Variants in TBC1D22A observed in about 807,000 individuals in gnomAD.
TBC1D22A encodes the protein putative GTPase activator.
Under a neutral mutation model 60.2 loss-of-function variants are expected in TBC1D22A, and 38 were observed. The ratio of observed to expected loss-of-function variants is 0.63; its 90% CI spans 0.49 to 0.83. The LOEUF (loss-of-function observed/expected upper bound fraction) is 0.83. TBC1D22A is among the 40% of genes least tolerant of loss of function. The probability of loss-of-function intolerance (pLI) is 0.00; values close to 1 mark genes in which losing one functional copy is unlikely to be tolerated. For synonymous variants in TBC1D22A, 302 were observed against 281.7 expected (o/e 1.07, Z -0.72); for missense variants, 628 against 701.0 (o/e 0.90, Z 1.18).
chr22:46,765,388 C>G (rs2083246849), intron 1 of TBC1D22A, among the ~76,000 whole-genome samples: 1 of 152,216 alleles, frequency 6.6e-6, no homozygotes, highest in South Asian at 2.1e-4. Flanking sequence ...TAGTGGAGAT[C>G]CTAGCCAGGT....
intron 12 of TBC1D22A, among the ~76,000 whole-genome samples, chr22:47,115,306 A>G (rs1290180042): frequency 6.6e-6 from 1 of 152,166 alleles, no homozygotes; most frequent in Admixed American, 6.5e-5. Context: ...GGCTATATGT[A>G]TGTGGCTCCA....
intron 8 of TBC1D22A, among the ~76,000 whole-genome samples, chr22:46,956,215 CTTTA>C (rs919309642): frequency 1.3e-5 from 2 of 152,072 alleles, no homozygotes; most frequent in African/African-American, 4.8e-5. Flanking sequence ...GAGATAGGGT[CTTTA>C]AAGAGGTAAT....
intron 12 of TBC1D22A, among the ~76,000 whole-genome samples, chr22:47,150,453 G>A (rs2067458518): frequency 6.6e-6 from 1 of 152,210 alleles, no homozygotes; most frequent in South Asian, 2.1e-4. Context: ...TGCTCCAGGA[G>A]TGTCCCAGTT....
intron 11 of TBC1D22A, among the ~76,000 whole-genome samples, chr22:47,046,164 A>G (rs131905): frequency 2.0e-5 from 3 of 151,944 alleles, no homozygotes; most frequent in Non-Finnish European, 4.4e-5. Context: ...GCCTTGCCCC[A>G]CAAGGAGGGT....
intron 4 of TBC1D22A, among the ~76,000 whole-genome samples, chr22:46,860,492 A>G (rs1215488814): frequency 5.0e-4 from 46 of 91,768 alleles, no homozygotes; most frequent in Middle Eastern, 7.1e-3. Context: ...CCTTCCCGGG[A>G]CCAGAATCCT....
At chr22:46,930,050 T>C (rs1377059131) in intron 8 of TBC1D22A, among the ~76,000 whole-genome samples, 4 of 152,162 alleles carry the variant, frequency 2.6e-5, no homozygotes, top group Admixed American at 2.6e-4. Flanking sequence ...TAGCATTCCT[T>C]GTAAACAATG....
intron 4 of TBC1D22A, among the ~76,000 whole-genome samples, chr22:46,874,725 C>T (rs1316000081): frequency 6.6e-6 from 1 of 151,890 alleles, no homozygotes; most frequent in African/African-American, 2.4e-5. Context: ...AGGTGCATGC[C>T]ACCACGCCTG....
chr22:47,016,345 C>T (rs1333565561), intron 10 of TBC1D22A, among the ~76,000 whole-genome samples: 1 of 152,128 alleles, frequency 6.6e-6, no homozygotes, highest in East Asian at 1.9e-4. Context: ...GTCTTCATCC[C>T]CCACCTCCCC....
chr22:47,021,722 A>T (rs2062097526), intron 10 of TBC1D22A, among the ~76,000 whole-genome samples: 1 of 152,238 alleles, frequency 6.6e-6, no homozygotes, highest in Non-Finnish European at 1.5e-5. Flanking sequence ...ATGTTGTTTT[A>T]AGCTGCTAAG....
chr22:47,090,126 T>C (rs1394885655), intron 11 of TBC1D22A, among the ~76,000 whole-genome samples: 1 of 152,106 alleles, frequency 6.6e-6, no homozygotes, highest in Non-Finnish European at 1.5e-5. Flanking sequence ...TCTAGAAGCT[T>C]ATACCCCAGC....
chr22:47,117,800 G>T (rs2066124687), intron 12 of TBC1D22A, among the ~76,000 whole-genome samples: 1 of 152,174 alleles, frequency 6.6e-6, no homozygotes, highest in African/African-American at 2.4e-5. Flanking sequence ...ACCATAGGAG[G>T]AAAGTTTAAG....
intron 10 of TBC1D22A, among the ~76,000 whole-genome samples, chr22:46,998,905 T>A (rs1438585767): frequency 6.6e-6 from 1 of 152,280 alleles, no homozygotes; most frequent in Admixed American, 6.5e-5. Flanking sequence ...CCGCGCGGTC[T>A]TGTTTGGGTG....
intron 8 of TBC1D22A, among the ~76,000 whole-genome samples, chr22:46,965,767 C>T (rs1235574574): frequency 2.0e-5 from 3 of 152,198 alleles, no homozygotes; most frequent in Non-Finnish European, 2.9e-5. Flanking sequence ...TGTGGGGTTT[C>T]GTGATGGTGC....
intron 11 of TBC1D22A, among the ~76,000 whole-genome samples, chr22:47,042,737 C>T (rs1429783748): frequency 6.6e-6 from 1 of 152,258 alleles, no homozygotes; most frequent in East Asian, 1.9e-4. Context: ...CCCCTGCGGG[C>T]CTTGAGGCAC....
intron 8 of TBC1D22A, among the ~76,000 whole-genome samples, chr22:46,959,566 C>T (rs1425636209): frequency 6.6e-6 from 1 of 152,160 alleles, no homozygotes; most frequent in Non-Finnish European, 1.5e-5. Flanking sequence ...ACAGACAGAC[C>T]CCAGGAGGGA....
At chr22:46,789,315 C>T (rs754965804) in intron 1 of TBC1D22A, 12 of 403,402 alleles carry the variant, frequency 3.0e-5, no homozygotes, top group Admixed American at 2.1e-4. Flanking sequence ...TTCATAGAGA[C>T]GGGGTTTCAC....
At chr22:46,816,583 TCTTTG>T (rs1409122700) in intron 4 of TBC1D22A, among the ~76,000 whole-genome samples, 1 of 152,226 alleles carries the variant, frequency 6.6e-6, no homozygotes, top group African/African-American at 2.4e-5. Flanking sequence ...TGTGTGAGGC[TCTTTG>T]CTTTAGGCAG....
chr22:47,089,401 T>A (rs2064828465), intron 11 of TBC1D22A, among the ~76,000 whole-genome samples: 1 of 152,242 alleles, frequency 6.6e-6, no homozygotes, highest in Non-Finnish European at 1.5e-5. Context: ...TTGTGGATCT[T>A]GAGTGATGGA....
intron 4 of TBC1D22A, among the ~76,000 whole-genome samples, chr22:46,854,739 G>A (rs6008995): frequency 0.41 from 62,000 of 151,968 alleles, 12,722 homozygotes; most frequent in Non-Finnish European, 0.42. Context: ...ACATTGAAAC[G>A]TGGCTTTGAC....
Sources: gnomAD v4.1 joint callset for allele counts (sites outside exome capture counted in the v4.1 genomes callset) on GRCh38, gnomAD v4.1.1 for gene constraint, MANE v1.5 for transcripts, NCBI Gene and HGNC (gene_info 2026-07-23, HGNC 2026-07-21) for gene names.